Variants in SMC5 observed in about 807,000 individuals in gnomAD.
SMC5 encodes structural maintenance of chromosomes 5, also known as structural maintenance of chromosomes protein 5.
SMC5 carries 88 observed loss-of-function variants against 148.3 expected under a neutral mutation model. The ratio of observed to expected loss-of-function variants is 0.59; its 90% CI spans 0.50 to 0.71. The LOEUF (loss-of-function observed/expected upper bound fraction) is 0.71, where lower values mean the gene tolerates loss of function less well. Among genes scored for constraint, SMC5 ranks in the 30% least tolerant of loss-of-function variants. The pLI, the probability that SMC5 is intolerant of heterozygous loss-of-function variation, is 0.00. For missense variants in SMC5, 1,142 were observed against 1,298.9 expected, an observed-to-expected ratio of 0.88 and a Z score of 1.86; for synonymous variants, 421 against 432.8, an observed-to-expected ratio of 0.97 and a Z score of 0.34.
intron 17 of SMC5, among the ~76,000 whole-genome samples, chr9:70,331,701 T>C (rs1026465251): frequency 2.0e-5 from 3 of 152,232 alleles, no homozygotes; most frequent in Non-Finnish European, 4.4e-5. Context: ...TATACCATTC[T>C]CTCTACTTTT....
chr9:70,348,032 A>C lies in SMC5; in HGVS notation c.2883A>C (p.Glu961Asp). The change falls in exon 22 of 25, where the codon GAA becomes GAC. Residue 961 changes from glutamate to aspartate, a missense_variant. Physicochemically the swap from Glu to Asp is conservative, Grantham distance 45. Transcript: ENST00000361138. ...QCAGEVDLHTENEEDYDKYGI... is the reference protein window; with the variant it reads ...QCAGEVDLHTDNEEDYDKYGI... ...CTGGTGAAGTTGATCTCCATACAGA[A>C]AATGAGGTAAAATTGCATTTGAAAT... The C allele has an allele frequency of 6.4e-7, 1 of 1,566,972 alleles. No individual in the cohort carries two copies. Among genetic ancestry groups the C allele is most frequent in the Non-Finnish European group, 8.6e-7 (1 of 1,164,516 alleles).
intron 11 of SMC5, among the ~76,000 whole-genome samples, chr9:70,310,204 C>T (rs1200771120): frequency 6.6e-6 from 1 of 152,168 alleles, no homozygotes; most frequent in Non-Finnish European, 1.5e-5. Flanking sequence ...TCAGAGGAGT[C>T]ATTATCTGTG....
chr9:70,269,177 G>A (rs952020900), intron 3 of SMC5, among the ~76,000 whole-genome samples: 1 of 152,130 alleles, frequency 6.6e-6, no homozygotes, highest in African/African-American at 2.4e-5. Flanking sequence ...AATAAATTTT[G>A]AAATACCCAA....
intron 17 of SMC5, among the ~76,000 whole-genome samples, chr9:70,337,752 G>A (rs1213895855): frequency 1.3e-5 from 2 of 151,792 alleles, no homozygotes; most frequent in Non-Finnish European, 2.9e-5. Context: ...CACTACACCT[G>A]GCCAAGAAAT....
intron 17 of SMC5, among the ~76,000 whole-genome samples, chr9:70,325,442 C>T (rs1457468864): frequency 1.3e-5 from 2 of 152,194 alleles, no homozygotes. Context: ...TCCTGATCAT[C>T]TCTAAAGGTC....
intron 2 of SMC5, 65 bp downstream of exon 2, chr9:70,264,510 T>A: frequency 6.5e-7 from 1 of 1,543,408 alleles, no homozygotes; most frequent in Non-Finnish European, 8.9e-7. Context: ...TAACATCAAT[T>A]TCTACACCTC....
intron 1 of SMC5, among the ~76,000 whole-genome samples, chr9:70,262,395 A>G (rs2034162436): frequency 6.6e-6 from 1 of 152,210 alleles, no homozygotes; most frequent in African/African-American, 2.4e-5. Flanking sequence ...AACAAGTGAC[A>G]TCAGATTTAC....
intron 10 of SMC5, among the ~76,000 whole-genome samples, chr9:70,302,879 A>G (rs2035397229): frequency 6.6e-6 from 1 of 152,078 alleles, no homozygotes; most frequent in African/African-American, 2.4e-5. Context: ...TTGCCATGTA[A>G]ACCAGTTTAT....
chr9:70,298,073 A>G lies in SMC5; in HGVS notation c.1161A>G (p.Leu387=), dbSNP rs751696267. 1.9e-6 allele frequency: 3 copies of G among 1,614,040 alleles called. No individual in the cohort carries two copies. The highest frequency in any genetic ancestry group is 2.2e-5 in the East Asian group (1 of 44,864). The change falls in exon 9 of 25, where the codon CTA becomes CTG. Residue 387 remains leucine, a synonymous_variant. Coordinates refer to ENST00000361138, the MANE Select transcript of SMC5 (RefSeq NM_015110.4). ...TGATAGAGGATTTGCAAAATGAACT[A>G]AAGACCACGGAAAACTGCGAGAATC... ...RKMIEDLQNE[L]KTTENCENLQ...
intron 3 of SMC5, among the ~76,000 whole-genome samples, chr9:70,268,228 C>A (rs2034345658): frequency 6.6e-6 from 1 of 152,080 alleles, no homozygotes; most frequent in African/African-American, 2.4e-5. Flanking sequence ...GGCAGATCAC[C>A]TGAGATCAGG....
At chr9:70,301,569 G>A (rs1440126449) in intron 10 of SMC5, among the ~76,000 whole-genome samples, 1 of 152,138 alleles carries the variant, frequency 6.6e-6, no homozygotes, top group African/African-American at 2.4e-5. Flanking sequence ...TCATTTAGTA[G>A]TCTATTTCTA....
chr9:70,352,077 A>T (rs1319031459), intron 24 of SMC5, 114 bp from the exon 25 acceptor site: 6 of 1,035,528 alleles, frequency 5.8e-6, no homozygotes, highest in Non-Finnish European at 8.2e-6. Flanking sequence ...TGGGAAAAAA[A>T]AAGTTTTATT....
intron 17 of SMC5, among the ~76,000 whole-genome samples, chr9:70,341,248 C>T (rs1204720251): frequency 1.3e-5 from 2 of 152,168 alleles, no homozygotes; most frequent in Non-Finnish European, 2.9e-5. Context: ...TACACATATG[C>T]CACCAAACAA....
intron 8 of SMC5, among the ~76,000 whole-genome samples, chr9:70,287,334 T>C (rs1198073595): frequency 1.3e-5 from 2 of 152,194 alleles, no homozygotes; most frequent in Non-Finnish European, 2.9e-5. Context: ...CTTGCTTATC[T>C]GAGAATCTTT....
At chr9:70,296,331 G>A (rs2035199744) in intron 8 of SMC5, among the ~76,000 whole-genome samples, 1 of 152,064 alleles carries the variant, frequency 6.6e-6, no homozygotes, top group African/African-American at 2.4e-5. Context: ...GTTTACCGAG[G>A]CAGGCAGATC....
Position 70,305,244 on chromosome 9 carries a change from T to C in SMC5, c.1465-3T>C. 7.2e-7 allele frequency: 1 copy of C among 1,396,006 alleles called. No individual in the cohort carries two copies. The highest frequency in any genetic ancestry group is 1.0e-6 in the Non-Finnish European group (1 of 993,498). 86.5% of individuals were successfully genotyped at this position (1,396,006 alleles called of 1,614,324 possible). Reference sequence around the variant, plus strand: ...TTCGACCTTTTTTTGCTTGTTTGTTTAGATCAATATGAAAGATAATAAAAA... The same window carrying C: ...TTCGACCTTTTTTTGCTTGTTTGTTCAGATCAATATGAAAGATAATAAAAA... On this transcript the variant is annotated splice_region_variant and splice_polypyrimidine_tract_variant and intron_variant, in intron 10 of 24. Transcript: ENST00000361138.
intron 1 of SMC5, among the ~76,000 whole-genome samples, chr9:70,262,575 G>A (rs2034168824): frequency 6.6e-6 from 1 of 152,190 alleles, no homozygotes; most frequent in Admixed American, 6.5e-5. Flanking sequence ...GAGTGGTTTT[G>A]GATGGGAAAG....
intron 3 of SMC5, among the ~76,000 whole-genome samples, chr9:70,276,263 G>T (rs1037498857): frequency 1.3e-5 from 2 of 152,072 alleles, no homozygotes; most frequent in Admixed American, 6.5e-5. Context: ...GTCTGTTTTT[G>T]TCCTTTACCA....
At chr9:70,351,781 T>C (rs1020568734) in intron 24 of SMC5, among the ~76,000 whole-genome samples, 1 of 152,156 alleles carries the variant, frequency 6.6e-6, no homozygotes, top group Non-Finnish European at 1.5e-5. Context: ...AAGAGCTTCT[T>C]AAGAGTCTTA....
Sources: gnomAD v4.1 joint callset for allele counts (sites outside exome capture counted in the v4.1 genomes callset) on GRCh38, gnomAD v4.1.1 for gene constraint, MANE v1.5 for transcripts, NCBI Gene and HGNC (gene_info 2026-07-23, HGNC 2026-07-21) for gene names.